RMI1: variants seen among roughly 807,000 people sequenced by gnomAD.
RMI1 encodes recQ-mediated genome instability protein 1.
Under a neutral mutation model 46.7 loss-of-function variants are expected in RMI1, and 36 were observed. The observed-to-expected ratio is 0.77, with a 90% CI of 0.59 to 1.02. The LOEUF (loss-of-function observed/expected upper bound fraction) is 1.02, where lower values mean the gene tolerates loss of function less well. RMI1 is among the 50% of genes least tolerant of loss of function. RMI1 has a pLI of 0.00. For synonymous variants in RMI1, 250 were observed against 252.9 expected (o/e 0.99, Z 0.11); for missense variants, 676 against 713.7 (o/e 0.95, Z 0.60).
At chr9:83,988,389 GTCC>G (rs781265792) in intron 1 of RMI1, among the ~76,000 whole-genome samples, 1 of 152,092 alleles carries the variant, frequency 6.6e-6, no homozygotes, top group South Asian at 2.1e-4. Flanking sequence ...CTGCAGCCTT[GTCC>G]TCCTAGGCTC....
chr9:83,995,255 T>C (rs1377271950), intron 1 of RMI1, among the ~76,000 whole-genome samples: 1 of 151,798 alleles, frequency 6.6e-6, no homozygotes, highest in Non-Finnish European at 1.5e-5. Flanking sequence ...TGCCTTGGCC[T>C]CCCAAAATGC....
At position 84,002,383 on chromosome 9, in the gene RMI1, T is replaced by G; in HGVS notation, c.1397T>G (p.Leu466Ter). The change falls in exon 3 of 3, where the codon TTA becomes TGA. Residue 466 changes from leucine (L) to a stop codon, truncating the protein, a stop_gained. Coordinates refer to ENST00000445877, the MANE Select transcript of RMI1 (RefSeq NM_001358291.2). LOFTEE classifies it high-confidence loss of function. ...SQISNENDCN[L>*]QSCSLRSSEN... ...ATTTCTAATGAAAATGATTGTAATT[T>G]ACAGAGTTGTTCTTTAAGATCATCA... 6.2e-7 allele frequency: 1 copy of G among 1,611,370 alleles called. No individual in the cohort carries two copies. Among genetic ancestry groups the G allele is most frequent in the South Asian group, 1.1e-5 (1 of 91,000 alleles).
chr9:83,999,325 T>C (rs1957705539), intron 1 of RMI1, among the ~76,000 whole-genome samples: 1 of 152,152 alleles, frequency 6.6e-6, no homozygotes, highest in Admixed American at 6.5e-5. Flanking sequence ...TTTTTTCATA[T>C]TAATCTAATC....
At position 83,982,685 on chromosome 9, in the gene RMI1, C is replaced by A. The variant is rs549706437; in HGVS notation, c.-126+1794C>A. 5.3e-3 allele frequency among the ~76,000 whole-genome samples: 764 copies of A among 143,510 alleles called. 6 individuals carry two copies. The highest frequency in any genetic ancestry group is 0.018 in the African/African-American group (722 of 39,552). 94.1% of individuals were successfully genotyped at this position (143,510 alleles called of 152,430 possible). A position where few individuals can be genotyped will look rare whatever the true frequency, so the allele number is the denominator to read the frequency against. On this transcript the variant is annotated intron_variant, in intron 1 of 2. Transcript: ENST00000445877. ...CCTGTCTCAAAAACAAAAACAAAAA[C>A]AAAAAAAAAAACCTCTTCCTCCCAG...
rs745679363 is a variant in RMI1 at position 84,001,437 on chromosome 9, T to A, written c.451T>A (p.Tyr151Asn). ...DGIVQIQGME[Y>N]QPIPILHSDL... ...AATCGTACAAATACAGGGAATGGAA[T>A]ATCAGCCTATTCCAATTCTTCATAG... Residue 151 changes from tyrosine (Y) to asparagine (N), a missense_variant, in exon 3 of 3, where the codon TAT becomes AAT. Physicochemically the swap from Tyr to Asn is moderately radical, Grantham distance 143. Coordinates refer to ENST00000445877, the MANE Select transcript of RMI1 (RefSeq NM_001358291.2). The A allele has an allele frequency of 1.7e-5, 28 of 1,613,984 alleles. No individual in the cohort carries two copies. The East Asian group carries it at 6.0e-4, about 35-fold the overall frequency.
At position 84,003,613 on chromosome 9, in the gene RMI1, T is replaced by C. The variant is rs760143143; in HGVS notation, c.*749T>C. 1 of 166,322 alleles carries C rather than the reference T, an allele frequency of 6.0e-6. No homozygotes were observed. Among genetic ancestry groups the C allele is most frequent in the Admixed American group, 6.5e-5 (1 of 15,280 alleles). The allele number at this position is 166,322 out of a possible 1,614,324, so 10.3% of individuals were successfully genotyped here. A position where few individuals can be genotyped will look rare whatever the true frequency, so the allele number is the denominator to read the frequency against. The stretch of plus-strand genomic sequence containing the variant: ...GGAAAAAAAATTAAAATCCAGTAGA[T>C]CAGAACATCAGGCTTTCAGATACAA... On this transcript the variant is annotated 3_prime_UTR_variant, in exon 3 of 3. Coordinates refer to ENST00000445877, the MANE Select transcript of RMI1 (RefSeq NM_001358291.2).
rs1427646909 is a variant in RMI1 at position 84,003,062 on chromosome 9, TTA to T, written c.*199_*200del. On this transcript the variant is annotated 3_prime_UTR_variant, in exon 3 of 3. Transcript: ENST00000445877. ...TAAGTTAATCTTTTTTTTTTTTTTTTTAATGTCAGGGTATTGCTCTGTTGCCC... is the reference window on the plus strand; with the variant it reads ...TAAGTTAATCTTTTTTTTTTTTTTTTATGTCAGGGTATTGCTCTGTTGCCC... 14 of 395,436 alleles carry T rather than the reference TTA, an allele frequency of 3.5e-5. No homozygotes were observed. Among genetic ancestry groups the T allele is most frequent in the Non-Finnish European group, 6.6e-5 (14 of 211,888 alleles). The allele number at this position is 395,436 out of a possible 1,614,324, so 24.5% of individuals were successfully genotyped here. A position where few individuals can be genotyped will look rare whatever the true frequency, so the allele number is the denominator to read the frequency against.
intron 1 of RMI1, among the ~76,000 whole-genome samples, chr9:83,983,362 C>T (rs994208793): frequency 6.6e-6 from 1 of 152,108 alleles, no homozygotes; most frequent in East Asian, 1.9e-4. Context: ...CTGATTACTT[C>T]TTCTAATTTC....
intron 1 of RMI1, among the ~76,000 whole-genome samples, chr9:83,990,948 C>T (rs1957564447): frequency 1.3e-5 from 2 of 152,040 alleles, no homozygotes; most frequent in African/African-American, 4.8e-5. Context: ...GCTGGGATTA[C>T]AGGCGTGTCC....
At chr9:83,998,456 G>A (rs1235179145) in intron 1 of RMI1, among the ~76,000 whole-genome samples, 1 of 152,108 alleles carries the variant, frequency 6.6e-6, no homozygotes, top group African/African-American at 2.4e-5. Flanking sequence ...TTTAATGGTA[G>A]CAAGCACTTA....
In RMI1 at chr9:84,001,330, T is replaced by C. The variant is rs774194166; in HGVS notation, c.344T>C (p.Leu115Pro). Reference protein sequence around the residue: ...KLRGKNTTNDLVTAEAQVTPK... With the variant: ...KLRGKNTTNDPVTAEAQVTPK... ...AGAGGAAAGAATACAACAAATGATC[T>C]AGTTACAGCTGAAGCACAAGTAACC... The change falls in exon 3 of 3, where the codon CTA becomes CCA. Residue 115 changes from leucine (L) to proline (P), a missense_variant. Coordinates refer to ENST00000445877, the MANE Select transcript of RMI1 (RefSeq NM_001358291.2). The C allele has an allele frequency of 6.2e-7, 1 of 1,614,168 alleles. No individual in the cohort carries two copies. Among genetic ancestry groups the C allele is most frequent in the South Asian group, 1.1e-5 (1 of 91,082 alleles).
At chr9:83,996,029 C>T (rs1957647573) in intron 1 of RMI1, among the ~76,000 whole-genome samples, 1 of 151,984 alleles carries the variant, frequency 6.6e-6, no homozygotes, top group East Asian at 1.9e-4. Context: ...TCTATTTGCT[C>T]TGTCTGCTGA....
chr9:84,000,410 A>T (rs987028811), intron 2 of RMI1, among the ~76,000 whole-genome samples: 6 of 152,098 alleles, frequency 3.9e-5, no homozygotes, highest in Non-Finnish European at 8.8e-5. Context: ...CAGCATATCT[A>T]TGCTGTTTAT....
rs1957761647 is a variant in RMI1, at chr9:84,002,929, TTTTAC to T, written c.*68_*72del. The T allele has an allele frequency of 1.0e-6, 1 of 1,001,298 alleles. No homozygotes were observed. Among genetic ancestry groups the T allele is most frequent in the Non-Finnish European group, 1.4e-6 (1 of 701,314 alleles). The allele number at this position is 1,001,298 out of a possible 1,614,324, so 62.0% of individuals were successfully genotyped here. A position where few individuals can be genotyped will look rare whatever the true frequency, so the allele number is the denominator to read the frequency against. On this transcript the variant is annotated 3_prime_UTR_variant, in exon 3 of 3. Coordinates refer to ENST00000445877, the MANE Select transcript of RMI1 (RefSeq NM_001358291.2). ...GGAAATATTTAGAATTTGTTCACAA[TTTTAC>T]TTATGATACTTTGTGTAAAAAGGAA...
At chr9:83,990,317 G>A (rs1055869141) in intron 1 of RMI1, among the ~76,000 whole-genome samples, 1 of 152,118 alleles carries the variant, frequency 6.6e-6, no homozygotes, top group South Asian at 2.1e-4. Context: ...TTCGAGACCA[G>A]CCTGGCCAAC....
intron 1 of RMI1, among the ~76,000 whole-genome samples, chr9:83,997,128 T>G (rs1057439853): frequency 7.6e-6 from 1 of 131,730 alleles, no homozygotes; most frequent in Non-Finnish European, 1.6e-5. Context: ...TTTTTTTTTT[T>G]GAGATAGGGT....
At chr9:83,997,700 C>A (rs1046905571) in intron 1 of RMI1, among the ~76,000 whole-genome samples, 2 of 152,100 alleles carry the variant, frequency 1.3e-5, no homozygotes, top group African/African-American at 4.8e-5. Flanking sequence ...ATTCAGTCAC[C>A]TCCTACCAGG....
At position 84,002,054 on chromosome 9, in the gene RMI1, T is replaced by C; in HGVS notation, c.1068T>C (p.Pro356=). The change falls in exon 3 of 3, where the codon CCT becomes CCC. Residue 356 remains proline, a synonymous_variant. Transcript: ENST00000445877. The part of the protein sequence containing the change: ...DRSIERFSHN[P]NTTNNFSLTC... ...GTATAGAGAGATTTTCACATAATCC[T>C]AATACTACGAATAACTTTTCTTTGA... 6.2e-7 allele frequency: 1 copy of C among 1,613,846 alleles called. No homozygotes were observed. The highest frequency in any genetic ancestry group is 1.7e-4 in the Middle Eastern group (1 of 6,060).
intron 1 of RMI1, among the ~76,000 whole-genome samples, chr9:83,984,074 T>C (rs1259401769): frequency 6.6e-6 from 1 of 152,180 alleles, no homozygotes; most frequent in Non-Finnish European, 1.5e-5. Context: ...ATTTATTTTG[T>C]TACTTATTGA....
Sources: allele counts gnomAD v4.1 joint callset (sites outside exome capture counted in the v4.1 genomes callset), GRCh38; gene constraint gnomAD v4.1.1; transcripts MANE v1.5; gene names NCBI Gene and HGNC (gene_info 2026-07-23, HGNC 2026-07-21).